The following ZC3H12B variants were observed in gnomAD, a reference collection of about 807,000 sequenced individuals.
ZC3H12B encodes zinc finger CCCH-type containing 12B, also known as probable ribonuclease ZC3H12B.
In ZC3H12B, 7 loss-of-function variants were observed where a neutral mutation model predicts 43.9. The ratio of observed to expected loss-of-function variants is 0.16; its 90% confidence interval spans 0.09 to 0.30. The LOEUF is 0.30. Ranked by LOEUF, ZC3H12B falls within the 10% of genes least tolerant of loss-of-function variation. The probability of loss-of-function intolerance (pLI) is 1.00; values close to 1 mark genes in which losing one functional copy is unlikely to be tolerated. For synonymous variants in ZC3H12B, 222 were observed against 241.7 expected (o/e 0.92, Z 0.76); for missense variants, 475 against 670.2 (o/e 0.71, Z 3.22).
At chrX:65,241,900 G>A in the ZC3H12B span, among the ~76,000 whole-genome samples, 51 of 111,392 alleles carry the variant, frequency 4.6e-4, no homozygotes, top group African/African-American at 1.4e-3. Flanking sequence ...CCTGAAGCTA[G>A]AGTCAGAAAA....
chrX:65,303,859 A>G, the ZC3H12B span, among the ~76,000 whole-genome samples: 1 of 112,665 alleles, frequency 8.9e-6, no homozygotes, highest in African/African-American at 3.2e-5. Context: ...GTACACTGAA[A>G]ATTGTGAAAC....
chrX:65,117,547 C>T, the ZC3H12B span, among the ~76,000 whole-genome samples: 1 of 111,798 alleles, frequency 8.9e-6, no homozygotes, highest in Non-Finnish European at 1.9e-5. Context: ...TTTTCCTGAG[C>T]AGAAGCTCTT....
At chrX:65,327,164 C>A in the ZC3H12B span, among the ~76,000 whole-genome samples, 1 of 111,102 alleles carries the variant, frequency 9.0e-6, no homozygotes, top group African/African-American at 3.3e-5. Flanking sequence ...TCAAAGATGT[C>A]ATTGCAGCAC....
At chrX:65,175,701 G>A in the ZC3H12B span, among the ~76,000 whole-genome samples, 17 of 111,603 alleles carry the variant, frequency 1.5e-4, no homozygotes, top group African/African-American at 5.5e-4. Context: ...ATTGGGACTG[G>A]TTGCACAGTG....
chrX:65,348,270 AT>A, the ZC3H12B span, among the ~76,000 whole-genome samples: 20 of 112,195 alleles, frequency 1.8e-4, no homozygotes, highest in Admixed American at 5.7e-4. Context: ...GCATAAAAAA[AT>A]AAGCTAAGGA....
the ZC3H12B span, among the ~76,000 whole-genome samples, chrX:65,121,106 A>T: frequency 9.0e-6 from 1 of 111,025 alleles, no homozygotes; most frequent in East Asian, 2.8e-4. Context: ...TTGGTCTAAA[A>T]TTCTCTTTTT....
At chrX:65,247,251 G>A in the ZC3H12B span, among the ~76,000 whole-genome samples, 1 of 112,280 alleles carries the variant, frequency 8.9e-6, no homozygotes, top group South Asian at 3.7e-4. Flanking sequence ...AGGCTGGTGA[G>A]GTTGTGGAGA....
At chrX:65,240,136 G>T in the ZC3H12B span, among the ~76,000 whole-genome samples, 1 of 111,585 alleles carries the variant, frequency 9.0e-6, no homozygotes, top group Non-Finnish European at 1.9e-5. Context: ...TTAGGTTTTG[G>T]AAGTTTTCCT....
the ZC3H12B span, among the ~76,000 whole-genome samples, chrX:65,357,955 G>A: frequency 4.1e-4 from 45 of 109,671 alleles, no homozygotes; most frequent in East Asian, 3.7e-3. Flanking sequence ...CCCATCTCAT[G>A]TGCAAAGACA....
chrX:65,273,823 C>T, the ZC3H12B span, among the ~76,000 whole-genome samples: 4 of 112,129 alleles, frequency 3.6e-5, no homozygotes, highest in Non-Finnish European at 5.6e-5. Context: ...AAAAAACTTG[C>T]CAAATATGGA....
intron 3 of ZC3H12B, among the ~76,000 whole-genome samples, chrX:65,430,451 G>C (rs1461080654): frequency 1.9e-5 from 2 of 104,804 alleles, no homozygotes; most frequent in Non-Finnish European, 3.9e-5. Flanking sequence ...CCGTTAACTC[G>C]TCATTTACAT....
At chrX:65,328,532 A>G in the ZC3H12B span, 31 of 203,297 alleles carry the variant, frequency 1.5e-4, no homozygotes, top group African/African-American at 8.1e-4. Context: ...TTTTTTTTTT[A>G]TATGTATCAC....
the ZC3H12B span, among the ~76,000 whole-genome samples, chrX:65,124,325 C>A: frequency 9.0e-6 from 1 of 111,162 alleles, no homozygotes; most frequent in African/African-American, 3.3e-5. Flanking sequence ...ATCTCTGCAT[C>A]CCTGGTATGA....
At chrX:65,124,586 T>C in the ZC3H12B span, among the ~76,000 whole-genome samples, 9 of 111,184 alleles carry the variant, frequency 8.1e-5, no homozygotes, top group Admixed American at 8.6e-4. Context: ...GAATATCTCA[T>C]AGAATTCAGC....
At chrX:65,197,036 G>A in the ZC3H12B span, among the ~76,000 whole-genome samples, 43 of 111,952 alleles carry the variant, frequency 3.8e-4, no homozygotes, top group African/African-American at 1.4e-3. Flanking sequence ...GAAAGGCTTG[G>A]CAGCAGGGAA....
chrX:65,177,839 G>A, the ZC3H12B span, among the ~76,000 whole-genome samples: 2 of 112,180 alleles, frequency 1.8e-5, no homozygotes, highest in East Asian at 5.6e-4. Context: ...CGTGAAAATG[G>A]CCATAGTGCC....
chrX:65,366,600 A>C (rs1026995144), upstream of ZC3H12B: 1 of 111,724 alleles, frequency 9.0e-6, no homozygotes. Context: ...TATGTAATTA[A>C]CAGTCACCAA....
At chrX:65,409,808 G>T in intron 3 of ZC3H12B, among the ~76,000 whole-genome samples, 1 of 111,201 alleles carries the variant, frequency 9.0e-6, no homozygotes, top group Admixed American at 9.6e-5. Flanking sequence ...GAAAGAAATT[G>T]AAGAGGACAC....
At chrX:65,458,637 A>G (rs1218351354) in intron 3 of ZC3H12B, among the ~76,000 whole-genome samples, 1 of 112,280 alleles carries the variant, frequency 8.9e-6, no homozygotes, top group Non-Finnish European at 1.9e-5. Context: ...TGAAGGCAGA[A>G]ATAAAGATGT....
Sources: allele counts gnomAD v4.1 joint callset (sites outside exome capture counted in the v4.1 genomes callset), GRCh38; gene constraint gnomAD v4.1.1; transcripts MANE v1.5; gene names NCBI Gene and HGNC (gene_info 2026-07-23, HGNC 2026-07-21).